Variants in MRPL13 observed in about 807,000 individuals in gnomAD.
MRPL13 encodes the protein large ribosomal subunit protein uL13m.
Under a neutral mutation model 29.0 loss-of-function variants are expected in MRPL13, and 33 were observed. The ratio of observed to expected loss-of-function variants is 1.14; its 90% CI spans 0.86 to 1.52. The LOEUF (loss-of-function observed/expected upper bound fraction) is 1.52, where lower values mean the gene tolerates loss of function less well. MRPL13 is among the 40% of genes most tolerant of loss of function. The pLI is 0.00. For missense variants in MRPL13, 227 were observed against 216.7 expected (o/e 1.05, Z -0.30); for synonymous variants, 77 against 68.4 (o/e 1.13, Z -0.62).
At chr8:120,444,889 A>C in intron 1 of MRPL13, 179 bp downstream of exon 1, 1 of 606,146 alleles carries the variant, frequency 1.6e-6, no homozygotes, top group Non-Finnish European at 2.9e-6. Flanking sequence ...GACGAGTAAC[A>C]GACGAACGAC....
intron 3 of MRPL13, among the ~76,000 whole-genome samples, chr8:120,429,549 T>A (rs140623313): frequency 0.012 from 1,880 of 150,894 alleles, 22 homozygotes; most frequent in Admixed American, 0.03. Flanking sequence ...CAGCCCCTTA[T>A]AAAAGCCAAA....
intron 2 of MRPL13, among the ~76,000 whole-genome samples, chr8:120,433,839 A>T (rs1813022927): frequency 6.6e-6 from 1 of 152,124 alleles, no homozygotes. Flanking sequence ...CTATTAAGTT[A>T]AATACATATA....
At chr8:120,396,539 ATAT>A (rs1434556269) in intron 6 of MRPL13, among the ~76,000 whole-genome samples, 3 of 152,172 alleles carry the variant, frequency 2.0e-5, no homozygotes, top group Non-Finnish European at 4.4e-5. Flanking sequence ...TTTCCTATTT[ATAT>A]TATCATATGC....
In MRPL13 at chr8:120,395,890, A is replaced by C; in HGVS notation, c.*214T>G. The C allele has an allele frequency of 2.2e-6, 1 of 448,032 alleles. No homozygotes were observed. The highest frequency in any genetic ancestry group is 4.0e-6 in the Non-Finnish European group (1 of 252,684). The allele number at this position is 448,032 out of a possible 1,614,324, so 27.8% of individuals were successfully genotyped here. ...TTATTATTATCAACTATAACATTCA[A>C]ATCAGATTACATAAAAATGGTTCTA... On this transcript the variant is annotated 3_prime_UTR_variant, in exon 7 of 7. Coordinates refer to ENST00000306185, the MANE Select transcript of MRPL13 (RefSeq NM_014078.6).
chr8:120,414,415 T>C (rs910153957), intron 5 of MRPL13: 1 of 164,722 alleles, frequency 6.1e-6, no homozygotes, highest in Non-Finnish European at 1.3e-5. Flanking sequence ...CAAGTATATG[T>C]ACTGGGTCTA....
At position 120,443,321 on chromosome 8, in the gene MRPL13, A is replaced by G. The variant is rs568568797; in HGVS notation, c.28-13T>C. 2.3e-4 allele frequency: 293 copies of G among 1,296,942 alleles called. No homozygotes were observed. Among genetic ancestry groups the G allele is most frequent in the African/African-American group, 9.2e-4 (56 of 61,090 alleles). The allele number at this position is 1,296,942 out of a possible 1,614,324, so 80.3% of individuals were successfully genotyped here. On this transcript the variant is annotated splice_polypyrimidine_tract_variant and intron_variant, in intron 1 of 6. Coordinates refer to ENST00000306185, the MANE Select transcript of MRPL13 (RefSeq NM_014078.6). ...AAGTGGCCCATTGCTTGGGGGGGAA[A>G]AAAAAAAAAAAGAAGAGGAAAAAAT...
rs1032440190 is a variant in MRPL13 at position 120,395,986 on chromosome 8, G to C, written c.*118C>G. On this transcript the variant is annotated 3_prime_UTR_variant, in exon 7 of 7. Coordinates refer to ENST00000306185, the MANE Select transcript of MRPL13 (RefSeq NM_014078.6). ...TCCTGACCTTTCCCCACAGTGATTC[G>C]GCACATAAAACAGGTGCTGAACTGT... 5.3e-6 allele frequency: 4 copies of C among 757,024 alleles called. No individual in the cohort carries two copies. Among genetic ancestry groups the C allele is most frequent in the Non-Finnish European group, 6.4e-6 (3 of 466,040 alleles). The allele number at this position is 757,024 out of a possible 1,614,324, so 46.9% of individuals were successfully genotyped here. A position where few individuals can be genotyped will look rare whatever the true frequency, so the allele number is the denominator to read the frequency against.
chr8:120,440,174 T>G (rs1490024504), intron 2 of MRPL13, among the ~76,000 whole-genome samples: 1 of 152,008 alleles, frequency 6.6e-6, no homozygotes, highest in African/African-American at 2.4e-5. Flanking sequence ...AAGGTAAAGG[T>G]ATATAGAGTG....
intron 4 of MRPL13, 71 bp from the exon 5 acceptor site, chr8:120,420,009 G>A (rs778099312): frequency 1.0e-6 from 1 of 1,000,610 alleles, no homozygotes; most frequent in Admixed American, 3.0e-5. Context: ...CATAATTAGA[G>A]ATGATGATGA....
Position 120,430,847 on chromosome 8 carries a change from T to C in MRPL13, c.245+1183A>G, listed in dbSNP as rs117904742. Among the ~76,000 whole-genome samples, 155 of 152,316 alleles carry C rather than the reference T, an allele frequency of 1.0e-3. 3 individuals are homozygous for C. In the East Asian group the frequency reaches 0.028, roughly 27 times the overall value. On this transcript the variant is annotated intron_variant, in intron 3 of 6. Coordinates refer to ENST00000306185, the MANE Select transcript of MRPL13 (RefSeq NM_014078.6). ...CTGGCTGTGCTGTCATTTTCTTTCA[T>C]TTGCAGTAATACTACATATTATTGC... is the stretch of plus-strand genomic sequence containing the variant.
rs1812680663 is a variant in MRPL13, at chr8:120,407,280, A to AT, written c.515+6710dup. Among the ~76,000 whole-genome samples, 3 of 152,220 alleles carry AT rather than the reference A, an allele frequency of 2.0e-5. No individual in the cohort carries two copies. In the South Asian group the frequency reaches 6.2e-4, roughly 32 times the overall value. ...CTTTTCGGAGATTTTAGTTTGTATTATAAAATGGTAGGAAAAATTTACTTG... is the reference window on the plus strand; with the variant it reads ...CTTTTCGGAGATTTTAGTTTGTATTATTAAAATGGTAGGAAAAATTTACTTG... On this transcript the variant is annotated intron_variant, in intron 6 of 6. Coordinates refer to ENST00000306185, the MANE Select transcript of MRPL13 (RefSeq NM_014078.6).
At chr8:120,438,889 G>A (rs994545772) in intron 2 of MRPL13, among the ~76,000 whole-genome samples, 3 of 152,050 alleles carry the variant, frequency 2.0e-5, no homozygotes, top group Non-Finnish European at 4.4e-5. Flanking sequence ...TCTATAAATC[G>A]GTAATTCTAT....
chr8:120,431,829 A>G (rs966041068), intron 3 of MRPL13, among the ~76,000 whole-genome samples: 3 of 152,176 alleles, frequency 2.0e-5, no homozygotes, highest in African/African-American at 7.2e-5. Flanking sequence ...TGTAGGATAA[A>G]CAAATACTGT....
chr8:120,407,260 C>T (rs960611219), intron 6 of MRPL13, among the ~76,000 whole-genome samples: 8 of 152,018 alleles, frequency 5.3e-5, no homozygotes, highest in Non-Finnish European at 8.8e-5. Flanking sequence ...AAAAACTTTT[C>T]GGAGATTTTA....
chr8:120,416,918 C>G (rs1812809990), intron 5 of MRPL13, among the ~76,000 whole-genome samples: 1 of 152,150 alleles, frequency 6.6e-6, no homozygotes, highest in South Asian at 2.1e-4. Context: ...ATTCAAATTT[C>G]CCAAATAGGT....
chr8:120,437,505 AAGG>A (rs1316635761), intron 2 of MRPL13, among the ~76,000 whole-genome samples: 3 of 152,210 alleles, frequency 2.0e-5, no homozygotes, highest in South Asian at 2.1e-4. Context: ...TTGGCAGTGA[AAGG>A]AGTAGAATCC....
chr8:120,397,216 G>T (rs1258165951), intron 6 of MRPL13, among the ~76,000 whole-genome samples: 1 of 98,656 alleles, frequency 1.0e-5, no homozygotes, highest in Non-Finnish European at 2.7e-5. Flanking sequence ...CCAATACACA[G>T]AGCTGTGCAG....
intron 1 of MRPL13, among the ~76,000 whole-genome samples, chr8:120,443,842 T>C (rs1041220361): frequency 2.6e-5 from 4 of 152,144 alleles, no homozygotes; most frequent in Admixed American, 2.6e-4. Flanking sequence ...AGATGGGTGA[T>C]GTGGAATAAA....
intron 6 of MRPL13, among the ~76,000 whole-genome samples, chr8:120,400,081 C>A (rs994256096): frequency 5.9e-5 from 9 of 152,058 alleles, no homozygotes; most frequent in African/African-American, 2.2e-4. Flanking sequence ...ATCATTGGGA[C>A]AGAAAATTAA....
Sources: allele counts gnomAD v4.1 joint callset (sites outside exome capture counted in the v4.1 genomes callset), GRCh38; gene constraint gnomAD v4.1.1; transcripts MANE v1.5; gene names NCBI Gene and HGNC (gene_info 2026-07-23, HGNC 2026-07-21).